VIPAS39: variants seen among roughly 807,000 people sequenced by gnomAD.
The protein encoded by VIPAS39 is VPS33B interacting protein, apical-basolateral polarity regulator, spe-39 homolog.
Under a neutral mutation model 84.7 loss-of-function variants are expected in VIPAS39, and 63 were observed. That is an observed-to-expected ratio of 0.74 (90% CI 0.61 to 0.92). The LOEUF (loss-of-function observed/expected upper bound fraction) is 0.92, where lower values mean the gene tolerates loss of function less well. Among genes scored for constraint, VIPAS39 ranks in the 40% least tolerant of loss-of-function variants. The pLI is 0.00. For synonymous variants in VIPAS39, 192 were observed against 216.5 expected, an observed-to-expected ratio of 0.89 and a Z score of 0.99; for missense variants, 499 against 604.5, an observed-to-expected ratio of 0.83 and a Z score of 1.83.
chr14:77,457,521 A>G lies in VIPAS39; in HGVS notation c.-27T>C, dbSNP rs2139925455. On this transcript the variant is annotated 5_prime_UTR_variant, in exon 1 of 20. Coordinates refer to ENST00000557658, the MANE Select transcript of VIPAS39 (RefSeq NM_001193315.2). ...TCTTCCGCACAGAGCCCTCCCTCTC[A>G]GGACAGCGCCAGCCTCCGCCGCCGC... 2.2e-6 allele frequency: 2 copies of G among 908,458 alleles called. No individual in the cohort carries two copies. The highest frequency in any genetic ancestry group is 3.2e-5 in the South Asian group (2 of 61,546). The allele number at this position is 908,458 out of a possible 1,614,324, so 56.3% of individuals were successfully genotyped here.
intron 14 of VIPAS39, 40 bp from the exon 15 acceptor site, chr14:77,434,343 T>G: frequency 6.3e-7 from 1 of 1,592,468 alleles, no homozygotes; most frequent in South Asian, 1.1e-5. Context: ...TGATATTGAC[T>G]TTCCCAAGTA....
intron 7 of VIPAS39, among the ~76,000 whole-genome samples, chr14:77,446,786 T>TA (rs1281005128): frequency 6.6e-6 from 1 of 151,942 alleles, no homozygotes; most frequent in Non-Finnish European, 1.5e-5. Flanking sequence ...GAAATAGGCC[T>TA]ACACATATAT....
chr14:77,437,864 C>T lies in VIPAS39; in HGVS notation c.780G>A (p.Glu260=), dbSNP rs747899098. The change falls in exon 12 of 20, where the codon GAG becomes GAA. Residue 260 remains glutamate, a synonymous_variant. Coordinates refer to ENST00000557658, the MANE Select transcript of VIPAS39 (RefSeq NM_001193315.2). ...TEELALSHYR[E]HLNIQDPDKR... is the part of the protein sequence containing the mutation. The stretch of plus-strand genomic sequence containing the variant: ...TGTCAGGGTCCTGAATGTTCAAATG[C>T]TCTCGATAATGAGATAGCTACAAAA... The T allele has an allele frequency of 6.2e-7, 1 of 1,614,114 alleles. No homozygotes were observed. The highest frequency in any genetic ancestry group is 8.5e-7 in the Non-Finnish European group (1 of 1,180,026).
rs529016736 is a variant in VIPAS39, at chr14:77,437,633, A to G, written c.836+175T>C. Among the ~76,000 whole-genome samples the G allele has an allele frequency of 4.6e-5, 7 of 152,282 alleles. No individual in the cohort carries two copies. The East Asian group carries it at 1.3e-3, about 29-fold the overall frequency. On this transcript the variant is annotated intron_variant, in intron 12 of 19. Coordinates refer to ENST00000557658, the MANE Select transcript of VIPAS39 (RefSeq NM_001193315.2). Reference sequence around the variant, plus strand: ...CCTCAGTTTACCATCAAGCAGTGGAAACTCTGCTGGGGACTAGTGTGTGAA... The same window carrying G: ...CCTCAGTTTACCATCAAGCAGTGGAGACTCTGCTGGGGACTAGTGTGTGAA...
intron 3 of VIPAS39, among the ~76,000 whole-genome samples, chr14:77,452,536 T>C (rs1008101626): frequency 1.3e-5 from 2 of 151,928 alleles, no homozygotes; most frequent in African/African-American, 4.8e-5. Context: ...ATCCCAGCAT[T>C]TGGGAGGCCA....
chr14:77,454,183 C>T, intron 1 of VIPAS39, 81 bp from the exon 2 acceptor site: 1 of 1,247,672 alleles, frequency 8.0e-7, no homozygotes, highest in African/African-American at 1.5e-5. Context: ...TCCTGCACCA[C>T]TAACTGATCC....
At position 77,437,851 on chromosome 14, in the gene VIPAS39, G is replaced by A. The variant is rs1289848790; in HGVS notation, c.793C>T (p.Gln265Ter). The A allele has an allele frequency of 6.2e-7, 1 of 1,614,134 alleles. No homozygotes were observed. Among genetic ancestry groups the A allele is most frequent in the South Asian group, 1.1e-5 (1 of 91,082 alleles). The change falls in exon 12 of 20, where the codon CAG becomes TAG. Residue 265 changes from glutamine to a stop codon, truncating the protein, a stop_gained. Transcript: ENST00000557658. LOFTEE classifies it high-confidence loss of function. ...AATTCTTTTCGTTTGTCAGGGTCCTGAATGTTCAAATGCTCTCGATAATGA... is the reference window on the plus strand; with the variant it reads ...AATTCTTTTCGTTTGTCAGGGTCCTAAATGTTCAAATGCTCTCGATAATGA... ...LSHYREHLNIQDPDKRKEFLK... is the reference protein window; with the variant it reads ...LSHYREHLNI
Position 77,426,924 on chromosome 14 carries a change from TA to T in VIPAS39, c.*691del, listed in dbSNP as rs2078440690. 6.6e-6 allele frequency: 1 copy of T among 152,308 alleles called. No individual in the cohort carries two copies. Among genetic ancestry groups the T allele is most frequent in the African/African-American group, 2.4e-5 (1 of 41,450 alleles). The allele number at this position is 152,308 out of a possible 1,614,324, so 9.4% of individuals were successfully genotyped here. On this transcript the variant is annotated 3_prime_UTR_variant, in exon 20 of 20. Transcript: ENST00000557658. ...AGCACTGCTGCATCTGAGCTTCTTA[TA>T]AAGTGACGGGTCTTGGCCAGCAGTA...
chr14:77,450,529 G>A (rs920612126), intron 4 of VIPAS39, among the ~76,000 whole-genome samples: 1 of 152,020 alleles, frequency 6.6e-6, no homozygotes, highest in Non-Finnish European at 1.5e-5. Flanking sequence ...TTTATTTATT[G>A]AGATGGAGTT....
intron 1 of VIPAS39, chr14:77,456,983 G>A (rs1453018681): frequency 6.7e-6 from 6 of 894,682 alleles, no homozygotes; most frequent in African/African-American, 1.7e-5. Flanking sequence ...CAGCCCACAA[G>A]GCAGGGTGAG....
intron 10 of VIPAS39, among the ~76,000 whole-genome samples, chr14:77,441,366 G>T (rs1195215858): frequency 8.4e-6 from 1 of 119,152 alleles, no homozygotes; most frequent in African/African-American, 2.6e-5. Flanking sequence ...AGAAAACTTG[G>T]TTGTTGTTTT....
chr14:77,453,223 GAAAC>G, intron 3 of VIPAS39, 72 bp downstream of exon 3: 2 of 1,444,648 alleles, frequency 1.4e-6, no homozygotes, highest in South Asian at 2.3e-5. Context: ...TAGCATTGAA[GAAAC>G]AAACAAGTAG....
chr14:77,427,772 G>C, intron 19 of VIPAS39, 136 bp from the exon 20 acceptor site: 2 of 1,164,004 alleles, frequency 1.7e-6, no homozygotes, highest in South Asian at 1.3e-5. Context: ...TCAGGAGGTG[G>C]GGGATGTTGA....
At chr14:77,428,563 AG>A in intron 18 of VIPAS39, 89 bp from the exon 19 acceptor site, 3 of 1,084,252 alleles carry the variant, frequency 2.8e-6, no homozygotes, top group Non-Finnish European at 4.2e-6. Flanking sequence ...CCTGGGCTCA[AG>A]CAATCCTCTC....
chr14:77,450,864 G>A (rs939262844), intron 4 of VIPAS39, among the ~76,000 whole-genome samples: 8 of 152,240 alleles, frequency 5.3e-5, no homozygotes, highest in South Asian at 4.1e-4. Flanking sequence ...TGTCTTCCAC[G>A]GTGGCTGCAC....
intron 1 of VIPAS39, chr14:77,457,151 T>C (rs2078972543): frequency 6.9e-7 from 1 of 1,440,772 alleles, no homozygotes; most frequent in African/African-American, 1.4e-5. Flanking sequence ...CAGGTGAGGC[T>C]TGTGAACTGA....
At chr14:77,441,610 A>G (rs1011455280) in intron 10 of VIPAS39, among the ~76,000 whole-genome samples, 1 of 152,144 alleles carries the variant, frequency 6.6e-6, no homozygotes, top group African/African-American at 2.4e-5. Flanking sequence ...TGGTTGGGAA[A>G]GAGTAAGGGA....
chr14:77,454,819 G>A (rs10149037), intron 1 of VIPAS39, among the ~76,000 whole-genome samples: 41,994 of 152,002 alleles, frequency 0.28, 6,061 homozygotes, highest in Middle Eastern at 0.32. Context: ...ACACAAGGAA[G>A]AGCAATCAGA....
chr14:77,438,525 G>A (rs1425300595), intron 11 of VIPAS39, among the ~76,000 whole-genome samples: 1 of 152,196 alleles, frequency 6.6e-6, no homozygotes, highest in Non-Finnish European at 1.5e-5. Flanking sequence ...CACCACGCCC[G>A]GCCCAAATAT....
Sources: gnomAD v4.1 joint callset for allele counts (sites outside exome capture counted in the v4.1 genomes callset) on GRCh38, gnomAD v4.1.1 for gene constraint, MANE v1.5 for transcripts, NCBI Gene and HGNC (gene_info 2026-07-23, HGNC 2026-07-21) for gene names.